The following SYNJ2 variants were observed in gnomAD, a reference collection of about 807,000 sequenced individuals.
SYNJ2 encodes polyphosphatidylinositol phosphatase SYNJ2.
SYNJ2 carries 116 observed loss-of-function variants against 141.3 expected under a neutral mutation model. That is an observed-to-expected ratio of 0.82 (90% CI 0.71 to 0.96). SYNJ2 has a LOEUF of 0.96. Ranked by LOEUF, SYNJ2 falls within the 40% of genes least tolerant of loss-of-function variation. The pLI is 0.00. For synonymous variants in SYNJ2, 745 were observed against 777.7 expected (o/e 0.96, Z 0.70); for missense variants, 1,873 against 1,934.8 (o/e 0.97, Z 0.60).
chr6:157,993,476 C>G (rs1398559661), intron 1 of SYNJ2, among the ~76,000 whole-genome samples: 1 of 152,150 alleles, frequency 6.6e-6, no homozygotes, highest in East Asian at 1.9e-4. Flanking sequence ...TCCTCCCATT[C>G]TGTGGGCTGT....
At chr6:158,087,075 C>T (rs899364300) in intron 23 of SYNJ2, 86 bp downstream of exon 23, 1 of 1,481,796 alleles carries the variant, frequency 6.7e-7, no homozygotes, top group Admixed American at 1.9e-5. Context: ...GCTCCGAATC[C>T]ACTTCTCCCC....
chr6:158,070,624 T>C lies in SYNJ2; in HGVS notation c.1940+951T>C. On this transcript the variant is annotated intron_variant, in intron 14 of 26. Transcript: ENST00000355585. The surrounding 1 kb of genome is among the most constrained non-coding windows in gnomAD (Gnocchi z 4.0). ...CTCGGTGTCCTCGGCTTCACGTGCC[T>C]TTAGCCCTGAGCTGCTTCCGCCTAC... 1 of 525,060 alleles carries C rather than the reference T, an allele frequency of 1.9e-6. No individual in the cohort carries two copies. The highest frequency in any genetic ancestry group is 2.4e-6 in the Non-Finnish European group (1 of 409,740). The allele number at this position is 525,060 out of a possible 1,614,324, so 32.5% of individuals were successfully genotyped here.
At chr6:157,987,725 T>G (rs1777259143) in intron 1 of SYNJ2, among the ~76,000 whole-genome samples, 3 of 152,234 alleles carry the variant, frequency 2.0e-5, no homozygotes, top group African/African-American at 7.2e-5. Context: ...AGGGAGAACA[T>G]TTGAAATTTA....
chr6:157,983,696 A>T (rs1283931456), intron 1 of SYNJ2, among the ~76,000 whole-genome samples: 1 of 152,236 alleles, frequency 6.6e-6, no homozygotes, highest in African/African-American at 2.4e-5. Flanking sequence ...GATTTACATC[A>T]CGGTGGTGAT....
chr6:158,039,653 G>A (rs865853288), intron 4 of SYNJ2, among the ~76,000 whole-genome samples: 2 of 152,168 alleles, frequency 1.3e-5, no homozygotes, highest in Non-Finnish European at 2.9e-5. Flanking sequence ...CCTTTAACGT[G>A]CTCCTGTAGA....
At chr6:158,044,678 T>C (rs1562352751) in intron 5 of SYNJ2, among the ~76,000 whole-genome samples, 1 of 152,214 alleles carries the variant, frequency 6.6e-6, no homozygotes, top group Non-Finnish European at 1.5e-5. Flanking sequence ...ATTTATGGTG[T>C]TGTGTAACCA....
chr6:158,076,783 G>A lies in SYNJ2; in HGVS notation c.2449+1G>A. 8 of 1,609,706 alleles carry A rather than the reference G, an allele frequency of 5.0e-6. No homozygotes were observed. Among genetic ancestry groups the A allele is most frequent in the Non-Finnish European group, 6.8e-6 (8 of 1,177,506 alleles). ...AAGAAACATCCCTTTGATAAAACAG[G>A]TGAGGGGGCCGTGCCCGTTCGAGAG... On this transcript the variant is annotated splice_donor_variant, in intron 17 of 26. Transcript: ENST00000355585. LOFTEE classifies it high-confidence loss of function.
intron 1 of SYNJ2, among the ~76,000 whole-genome samples, chr6:157,983,756 G>A (rs186974075): frequency 2.0e-5 from 3 of 152,064 alleles, no homozygotes; most frequent in Non-Finnish European, 4.4e-5. Flanking sequence ...GAATTGGCTC[G>A]TCTTCAACTC....
At chr6:157,986,255 C>G (rs1322091878) in intron 1 of SYNJ2, among the ~76,000 whole-genome samples, 1 of 152,250 alleles carries the variant, frequency 6.6e-6, no homozygotes, top group Non-Finnish European at 1.5e-5. Context: ...GCCTCCAGGA[C>G]TGGTTTGCCT....
At chr6:158,056,270 T>A (rs556540357) in intron 6 of SYNJ2, among the ~76,000 whole-genome samples, 1 of 152,290 alleles carries the variant, frequency 6.6e-6, no homozygotes, top group South Asian at 2.1e-4. Flanking sequence ...GCATGGTGTG[T>A]GAGATGCACG....
intron 26 of SYNJ2, among the ~76,000 whole-genome samples, chr6:158,094,946 A>G (rs1783708148): frequency 6.6e-6 from 1 of 152,158 alleles, no homozygotes; most frequent in Admixed American, 6.5e-5. Flanking sequence ...TCAGGAGTTC[A>G]AGACCAGCCT....
Position 158,088,911 on chromosome 6 carries a change from C to G in SYNJ2, c.3456+139C>G, listed in dbSNP as rs959560717. 1.1e-5 allele frequency: 7 copies of G among 630,396 alleles called. No homozygotes were observed. In the South Asian group the frequency reaches 1.2e-4, roughly 11 times the overall value. The allele number at this position is 630,396 out of a possible 1,614,324, so 39.1% of individuals were successfully genotyped here. A position where few individuals can be genotyped will look rare whatever the true frequency, so the allele number is the denominator to read the frequency against. On this transcript the variant is annotated intron_variant, in intron 24 of 26. Coordinates refer to ENST00000355585, the MANE Select transcript of SYNJ2 (RefSeq NM_003898.4). The stretch of plus-strand genomic sequence containing the variant: ...CCATCTCATCTCCAAACCCCATAAC[C>G]CTTCCTCGCAGGTTCTCCATAGGGC...
chr6:158,087,580 CACT>C (rs1056647253), intron 23 of SYNJ2, among the ~76,000 whole-genome samples: 2 of 152,200 alleles, frequency 1.3e-5, no homozygotes, highest in Admixed American at 6.5e-5. Context: ...ATTTTCCCAC[CACT>C]GTTTACTTCT....
chr6:158,065,875 G>A (rs1239856988), intron 11 of SYNJ2, among the ~76,000 whole-genome samples: 1 of 152,182 alleles, frequency 6.6e-6, no homozygotes, highest in Admixed American at 6.5e-5. Flanking sequence ...TTTAAAAGGT[G>A]GAATATATTT....
intron 3 of SYNJ2, among the ~76,000 whole-genome samples, chr6:158,032,445 G>A (rs754958565): frequency 1.3e-5 from 2 of 152,248 alleles, no homozygotes; most frequent in Non-Finnish European, 2.9e-5. Context: ...TCCTCCCTGA[G>A]AGTGAGTATG....
rs920533513 is a variant in SYNJ2 at position 158,070,154 on chromosome 6, G to A, written c.1940+481G>A. The A allele has an allele frequency of 3.0e-6, 3 of 985,760 alleles. No homozygotes were observed. The highest frequency in any genetic ancestry group is 3.6e-6 in the Non-Finnish European group (3 of 830,210). The allele number at this position is 985,760 out of a possible 1,614,324, so 61.1% of individuals were successfully genotyped here. ...TCAGAAAGGGGGCGAGCTTAGGGGCGGCATTCCTCTTGGGGTGTGGGTGTG... is the reference window on the plus strand; with the variant it reads ...TCAGAAAGGGGGCGAGCTTAGGGGCAGCATTCCTCTTGGGGTGTGGGTGTG... On this transcript the variant is annotated intron_variant, in intron 14 of 26. Transcript: ENST00000355585. This position sits in a 1 kb window ranked among gnomAD's most constrained non-coding sequence, Gnocchi z 4.0.
chr6:158,028,454 T>A (rs1183404244), intron 2 of SYNJ2: 1 of 434,880 alleles, frequency 2.3e-6, no homozygotes, highest in African/African-American at 2.0e-5. Flanking sequence ...CTGGAGGGCT[T>A]GTTAAAGCAA....
At position 158,071,716 on chromosome 6, in the gene SYNJ2, C is replaced by G. The variant is rs1002211304; in HGVS notation, c.2055C>G (p.His685Gln). Residue 685 changes from histidine (H) to glutamine (Q), a missense_variant, in exon 15 of 27, where the codon CAC becomes CAG. His to Gln is a conservative substitution (Grantham distance 24). Transcript: ENST00000355585. This position sits in a 1 kb window ranked among gnomAD's most constrained non-coding sequence, Gnocchi z 4.3. Reference sequence around the variant, plus strand: ...CCAGCTTCTGCTTCATATGTAGTCACCTGACGGCCGGGCAGTCCCAGGTGA... The same window carrying G: ...CCAGCTTCTGCTTCATATGTAGTCAGCTGACGGCCGGGCAGTCCCAGGTGA... Reference protein sequence around the residue: ...HSTSFCFICSHLTAGQSQVKE... With the variant: ...HSTSFCFICSQLTAGQSQVKE... 1 of 1,614,120 alleles carries G rather than the reference C, an allele frequency of 6.2e-7. No homozygotes were observed. The highest frequency in any genetic ancestry group is 8.5e-7 in the Non-Finnish European group (1 of 1,180,036).
chr6:158,073,686 A>C (rs1189263913), intron 15 of SYNJ2, among the ~76,000 whole-genome samples: 1 of 152,184 alleles, frequency 6.6e-6, no homozygotes, highest in Non-Finnish European at 1.5e-5. Flanking sequence ...GTGCTGCAGA[A>C]AGTTCTGTCT....
Sources: gnomAD v4.1 joint callset for allele counts (sites outside exome capture counted in the v4.1 genomes callset) on GRCh38, gnomAD v4.1.1 for gene constraint, Gnocchi (gnomAD v3.1) non-coding constraint, MANE v1.5 for transcripts, NCBI Gene and HGNC (gene_info 2026-07-23, HGNC 2026-07-21) for gene names.